Variants in PACRG observed in about 807,000 individuals in gnomAD.
The protein encoded by PACRG is parkin coregulated gene protein.
In PACRG, 29 loss-of-function variants were observed where a neutral mutation model predicts 29.7. That is an observed-to-expected ratio of 0.98 (90% CI 0.73 to 1.33). The LOEUF (loss-of-function observed/expected upper bound fraction) is 1.33, where lower values mean the gene tolerates loss of function less well. Ranked by LOEUF, PACRG falls within the 40% of genes most tolerant of loss-of-function variation. PACRG has a pLI of 0.00. For missense variants in PACRG, 279 were observed against 316.2 expected (o/e 0.88, Z 0.89); for synonymous variants, 116 against 118.7 (o/e 0.98, Z 0.15).
At chr6:163,053,323 T>A (rs537940215) in intron 2 of PACRG, among the ~76,000 whole-genome samples, 60 of 152,272 alleles carry the variant, frequency 3.9e-4, no homozygotes, top group Non-Finnish European at 8.1e-4. Context: ...ATTTCCTCAT[T>A]TATCTCTTCT....
At chr6:163,091,266 T>C (rs1412908484) in intron 4 of PACRG, among the ~76,000 whole-genome samples, 1 of 152,244 alleles carries the variant, frequency 6.6e-6, no homozygotes, top group Non-Finnish European at 1.5e-5. Context: ...ATAAATCTTG[T>C]TGGGAGCTCT....
At chr6:162,988,175 G>T (rs1204685809) in intron 2 of PACRG, among the ~76,000 whole-genome samples, 1 of 152,210 alleles carries the variant, frequency 6.6e-6, no homozygotes, top group Admixed American at 6.5e-5. Context: ...CTCCATCCAA[G>T]TGGGAGCTGC....
intron 4 of PACRG, among the ~76,000 whole-genome samples, chr6:163,148,223 C>T (rs907799085): frequency 6.6e-6 from 1 of 152,176 alleles, no homozygotes. Flanking sequence ...CCATTAGAGG[C>T]AGTCTTTCAA....
At chr6:163,071,371 A>G (rs1336468185) in intron 3 of PACRG, among the ~76,000 whole-genome samples, 1 of 152,166 alleles carries the variant, frequency 6.6e-6, no homozygotes, top group Non-Finnish European at 1.5e-5. Context: ...GACTAAAACT[A>G]GAAATCAATA....
rs1164885091 is a variant in PACRG, at chr6:162,958,860, T to C, written c.292-103290T>C. ...AGAGCATATATAGAGCATATATATA[T>C]ATATATATATATATATATATATATA... On this transcript the variant is annotated intron_variant, in intron 2 of 4. Transcript: ENST00000366888. Among the ~76,000 whole-genome samples the C allele has an allele frequency of 1.5e-4, 8 of 52,244 alleles. No individual in the cohort carries two copies. In the South Asian group the frequency reaches 5.0e-3, roughly 32 times the overall value. The allele number at this position is 52,244 out of a possible 152,430, so 34.3% of individuals were successfully genotyped here. A position where few individuals can be genotyped will look rare whatever the true frequency, so the allele number is the denominator to read the frequency against.
chr6:162,894,283 G>T (rs758377703), intron 2 of PACRG, among the ~76,000 whole-genome samples: 1 of 152,216 alleles, frequency 6.6e-6, no homozygotes, highest in Non-Finnish European at 1.5e-5. Flanking sequence ...TATACGACTT[G>T]ATTCCAGGTT....
upstream of PACRG, chr6:162,727,752 C>A (rs1214283043): frequency 2.1e-6 from 3 of 1,432,482 alleles, no homozygotes; most frequent in Non-Finnish European, 1.9e-6. Flanking sequence ...CAGCGGCTCT[C>A]CTGGGTTAAA....
At chr6:163,027,162 T>G (rs1228413694) in intron 2 of PACRG, among the ~76,000 whole-genome samples, 1 of 152,214 alleles carries the variant, frequency 6.6e-6, no homozygotes, top group Non-Finnish European at 1.5e-5. Context: ...GAAATTTACT[T>G]TTGATCTGGG....
At chr6:163,079,407 TAAA>T (rs76199638) in intron 3 of PACRG, among the ~76,000 whole-genome samples, 3 of 137,894 alleles carry the variant, frequency 2.2e-5, no homozygotes, top group Admixed American at 7.3e-5. Context: ...TTCACAGAGT[TAAA>T]AAAAAAAAAA....
chr6:162,869,032 A>T, intron 2 of PACRG, among the ~76,000 whole-genome samples: 1 of 152,214 alleles, frequency 6.6e-6, no homozygotes, highest in Non-Finnish European at 1.5e-5. Flanking sequence ...TCCTCTGCTC[A>T]GAATTGCTTC....
chr6:162,850,006 GA>G (rs1404231377), intron 2 of PACRG, among the ~76,000 whole-genome samples: 1 of 152,138 alleles, frequency 6.6e-6, no homozygotes, highest in Non-Finnish European at 1.5e-5. Flanking sequence ...TCAGTTCTAA[GA>G]ATCCATAAAT....
intron 4 of PACRG, among the ~76,000 whole-genome samples, chr6:163,194,278 GT>G (rs1780349517): frequency 6.6e-6 from 1 of 152,208 alleles, no homozygotes; most frequent in South Asian, 2.1e-4. Context: ...TGTTCCTGGG[GT>G]TCTGTTTTTA....
chr6:162,940,532 G>T (rs1798543852), intron 2 of PACRG, among the ~76,000 whole-genome samples: 1 of 151,998 alleles, frequency 6.6e-6, no homozygotes, highest in African/African-American at 2.4e-5. Context: ...CTCTATTTGA[G>T]TCCAGAATAA....
intron 1 of PACRG, among the ~76,000 whole-genome samples, chr6:162,766,389 T>A (rs558345196): frequency 6.6e-6 from 1 of 152,316 alleles, no homozygotes; most frequent in Non-Finnish European, 1.5e-5. Flanking sequence ...ATGATAGAAT[T>A]TCCTGTTTAT....
chr6:163,201,993 C>T (rs985344464), intron 4 of PACRG, among the ~76,000 whole-genome samples: 1 of 152,164 alleles, frequency 6.6e-6, no homozygotes, highest in Non-Finnish European at 1.5e-5. Flanking sequence ...GGGCTTAGAG[C>T]CAGACTTTGA....
chr6:163,219,408 C>G (rs1004555595), intron 4 of PACRG, among the ~76,000 whole-genome samples: 1 of 152,258 alleles, frequency 6.6e-6, no homozygotes, highest in Non-Finnish European at 1.5e-5. Flanking sequence ...CAAGCCTTCA[C>G]TGTCTCTGGG....
chr6:163,030,607 G>A (rs1807568993), intron 2 of PACRG, among the ~76,000 whole-genome samples: 1 of 152,170 alleles, frequency 6.6e-6, no homozygotes, highest in African/African-American at 2.4e-5. Context: ...ACAAAAGTAA[G>A]TTTATTAAGA....
At chr6:163,123,608 T>C (rs1395709047) in intron 4 of PACRG, among the ~76,000 whole-genome samples, 1 of 152,200 alleles carries the variant, frequency 6.6e-6, no homozygotes, top group East Asian at 1.9e-4. Context: ...CTCTGGAACT[T>C]ATCTTGTGTA....
intron 4 of PACRG, among the ~76,000 whole-genome samples, chr6:163,194,398 C>T (rs1780353905): frequency 1.3e-5 from 2 of 151,876 alleles, no homozygotes; most frequent in South Asian, 2.1e-4. Flanking sequence ...CCCTGTCACC[C>T]TCCTTCCCTC....
Sources: allele counts gnomAD v4.1 joint callset (sites outside exome capture counted in the v4.1 genomes callset), GRCh38; gene constraint gnomAD v4.1.1; transcripts MANE v1.5; gene names NCBI Gene and HGNC (gene_info 2026-07-23, HGNC 2026-07-21).